The following OR10A7 variants were observed in gnomAD, a reference collection of about 807,000 sequenced individuals.
OR10A7 encodes olfactory receptor family 10 subfamily A member 7, also known as olfactory receptor 10A7.
For synonymous variants in OR10A7, 151 were observed against 137.2 expected (o/e 1.10, Z -0.70); for missense variants, 434 against 383.6 (o/e 1.13, Z -1.10).
In OR10A7 at chr12:55,221,157, A is replaced by G. The variant is rs1336693356; in HGVS notation, c.133A>G (p.Ile45Val). 1 of 1,613,586 alleles carries G rather than the reference A, an allele frequency of 6.2e-7. No individual in the cohort carries two copies. Among genetic ancestry groups the G allele is most frequent in the Non-Finnish European group, 8.5e-7 (1 of 1,179,694 alleles). Residue 45 changes from isoleucine (I) to valine (V), a missense_variant, in exon 1 of 1, where the codon ATT becomes GTT. Coordinates refer to ENST00000326258, the MANE Select transcript of OR10A7 (RefSeq NM_001005280.1). ...YTVTLLGNFL[I>V]VTVTSVDLAL... ...AGTCACTTTGTTGGGCAACTTTCTT[A>G]TTGTCACAGTTACCAGTGTGGATCT...
Position 55,221,103 on chromosome 12 carries a change from C to T in OR10A7, c.79C>T (p.Leu27Phe), listed in dbSNP as rs201024769. The change falls in exon 1 of 1, where the codon CTC becomes TTC. Residue 27 changes from leucine (L) to phenylalanine (F), a missense_variant. Leu to Phe is a conservative substitution (Grantham distance 22). Transcript: ENST00000326258. ...FTNNPEMQVS[L>F]FIFFLAIYTV... ...AAACAACCCCGAGATGCAAGTTTCC[C>T]TCTTTATTTTTTTCCTGGCCATTTA... 3.2e-4 allele frequency: 518 copies of T among 1,613,786 alleles called. 8 individuals carry two copies. In the South Asian group the frequency reaches 5.4e-3, roughly 17 times the overall value.
Position 55,221,716 on chromosome 12 carries a change from C to T in OR10A7, c.692C>T (p.Ala231Val), listed in dbSNP as rs201851061. 1.9e-5 allele frequency: 30 copies of T among 1,613,694 alleles called. No homozygotes were observed. Among genetic ancestry groups the T allele is most frequent in the Non-Finnish European group, 2.5e-5 (29 of 1,179,772 alleles). ...IIITILRMSS[A>V]TGRQKAFSTC... ...ATAACAATTCTGAGGATGTCCTCTG[C>T]CACTGGCCGCCAGAAGGCATTTTCT... Residue 231 changes from alanine (A) to valine (V), a missense_variant, in exon 1 of 1, where the codon GCC becomes GTC. Physicochemically the swap from Ala to Val is moderately conservative, Grantham distance 64 (BLOSUM62 0). Transcript: ENST00000326258.
Position 55,221,384 on chromosome 12 carries a change from T to G in OR10A7, c.360T>G (p.Tyr120Ter). The change falls in exon 1 of 1, where the codon TAT (tyrosine) becomes TAG (stop). Residue 120 changes from tyrosine to a stop codon, truncating the protein, a stop_gained. Coordinates refer to ENST00000326258, the MANE Select transcript of OR10A7 (RefSeq NM_001005280.1). LOFTEE classifies it low-confidence loss of function (END_TRUNC). ...SECFLLSMMA[Y>*]DRFVAICNPL... ...GTTTCCTTCTCTCCATGATGGCTTA[T>G]GATCGCTTTGTGGCCATCTGTAACC... The G allele has an allele frequency of 1.2e-6, 2 of 1,613,882 alleles. No homozygotes were observed. Among genetic ancestry groups the G allele is most frequent in the Non-Finnish European group, 8.5e-7 (1 of 1,179,882 alleles).
Position 55,221,427 on chromosome 12 carries a change from A to C in OR10A7, c.403A>C (p.Ile135Leu). ...AICNPLHYSVIMNRSLCLWMA... is the reference protein window; with the variant it reads ...AICNPLHYSVLMNRSLCLWMA... The stretch of plus-strand genomic sequence containing the variant: ...CTGTAACCCTCTCCATTATTCAGTC[A>C]TAATGAACAGGTCCCTATGCTTGTG... Residue 135 changes from isoleucine to leucine, a missense_variant, in exon 1 of 1, where the codon ATA becomes CTA. Transcript: ENST00000326258. The C allele has an allele frequency of 1.9e-6, 3 of 1,613,886 alleles. No homozygotes were observed. Among genetic ancestry groups the C allele is most frequent in the Non-Finnish European group, 2.5e-6 (3 of 1,179,902 alleles).
chr12:55,221,726 C>T lies in OR10A7; in HGVS notation c.702C>T (p.Arg234=), dbSNP rs774838555. 4 of 1,613,564 alleles carry T rather than the reference C, an allele frequency of 2.5e-6. No individual in the cohort carries two copies. The East Asian group carries it at 8.9e-5, about 36-fold the overall frequency. Residue 234 remains arginine, a synonymous_variant, in exon 1 of 1, where the codon CGC becomes CGT. Coordinates refer to ENST00000326258, the MANE Select transcript of OR10A7 (RefSeq NM_001005280.1). The part of the protein sequence containing the change: ...TILRMSSATG[R]QKAFSTCSSH... ...TGAGGATGTCCTCTGCCACTGGCCG[C>T]CAGAAGGCATTTTCTACTTGTTCCT...
Position 55,221,689 on chromosome 12 carries a change from T to A in OR10A7, c.665T>A (p.Ile222Asn). Residue 222 changes from isoleucine (I) to asparagine (N), a missense_variant, in exon 1 of 1, where the codon ATC (isoleucine) becomes AAC (asparagine). By Grantham distance (149) the Ile-to-Asn change is moderately radical. Transcript: ENST00000326258. ...CLILVSYTRI[I>N]ITILRMSSAT... The stretch of plus-strand genomic sequence containing the variant: ...ATTTTGGTTTCCTACACCCGCATTA[T>A]CATAACAATTCTGAGGATGTCCTCT... The A allele has an allele frequency of 6.2e-7, 1 of 1,613,834 alleles. No homozygotes were observed. The highest frequency in any genetic ancestry group is 8.5e-7 in the Non-Finnish European group (1 of 1,179,886).
chr12:55,221,276 T>C lies in OR10A7; in HGVS notation c.252T>C (p.Asp84=). The change falls in exon 1 of 1, where the codon GAT becomes GAC. Residue 84 remains aspartate, a synonymous_variant. Transcript: ENST00000326258. ...TTATGGTGCCAAAAATGCTTGTAGATCTAGTGTCCCCAAGGAAAATTATCT... is the reference window on the plus strand; with the variant it reads ...TTATGGTGCCAAAAATGCTTGTAGACCTAGTGTCCCCAAGGAAAATTATCT... ...TLVMVPKMLV[D]LVSPRKIISF... The C allele has an allele frequency of 6.2e-7, 1 of 1,613,890 alleles. No individual in the cohort carries two copies. Among genetic ancestry groups the C allele is most frequent in the Non-Finnish European group, 8.5e-7 (1 of 1,179,888 alleles).
chr12:55,221,109 A>AT lies in OR10A7; in HGVS notation c.92dup (p.Leu32ProfsTer39), dbSNP rs756006463. ...CCCCGAGATGCAAGTTTCCCTCTTT[A>AT]TTTTTTTCCTGGCCATTTATACAGT... On this transcript the variant is annotated frameshift_variant, in exon 1 of 1. Transcript: ENST00000326258. LOFTEE classifies it low-confidence loss of function (END_TRUNC). 5.6e-6 allele frequency: 9 copies of AT among 1,613,318 alleles called. No individual in the cohort carries two copies. Among genetic ancestry groups the AT allele is most frequent in the Non-Finnish European group, 6.8e-6 (8 of 1,179,698 alleles).
Position 55,221,582 on chromosome 12 carries a change from A to G in OR10A7, c.558A>G (p.Lys186=). 6.2e-7 allele frequency: 1 copy of G among 1,613,760 alleles called. No individual in the cohort carries two copies. The highest frequency in any genetic ancestry group is 8.5e-7 in the Non-Finnish European group (1 of 1,179,866). ...TCTGTGATGGTCCCCCAGTGTTAAA[A>G]CTAGTCACAGTGGATACAACCATGT... ...HFFCDGPPVL[K]LVTVDTTMYE... The change falls in exon 1 of 1, where the codon AAA becomes AAG. Residue 186 remains lysine, a synonymous_variant. Transcript: ENST00000326258.
chr12:55,221,855 C>T lies in OR10A7; in HGVS notation c.831C>T (p.Ser277=), dbSNP rs1391340528. 1.2e-6 allele frequency: 2 copies of T among 1,613,570 alleles called. No homozygotes were observed. The highest frequency in any genetic ancestry group is 1.1e-5 in the South Asian group (1 of 91,082). Residue 277 remains serine, a synonymous_variant, in exon 1 of 1, where the codon TCC becomes TCT. Coordinates refer to ENST00000326258, the MANE Select transcript of OR10A7 (RefSeq NM_001005280.1). ...SPESKKLVSL[S]YTVITPMLNP... The stretch of plus-strand genomic sequence containing the variant: ...AGAGCAAGAAGCTAGTGTCATTGTC[C>T]TACACTGTCATCACACCTATGCTAA...
Position 55,221,042 on chromosome 12 carries a change from C to A in OR10A7, c.18C>A (p.His6Gln). 6.2e-7 allele frequency: 1 copy of A among 1,608,328 alleles called. No individual in the cohort carries two copies. Among genetic ancestry groups the A allele is most frequent in the Admixed American group, 1.7e-5 (1 of 59,900 alleles). Residue 6 changes from histidine (H) to glutamine (Q), a missense_variant, in exon 1 of 1, where the codon CAC becomes CAA. Physicochemically the swap from His to Gln is conservative, Grantham distance 24. Coordinates refer to ENST00000326258, the MANE Select transcript of OR10A7 (RefSeq NM_001005280.1). MICEN[H>Q]TRVTEFILLG... ...TCTAAGATATGATCTGTGAAAATCA[C>A]ACCAGAGTCACTGAATTTATTCTTC...
rs541903817 is a variant in OR10A7, at chr12:55,221,221, T to C, written c.197T>C (p.Leu66Pro). 8.2e-5 allele frequency: 133 copies of C among 1,613,980 alleles called. No individual in the cohort carries two copies. In the South Asian group the frequency reaches 1.4e-3, roughly 17 times the overall value. ...CCCATGTACTTCTTTCTTCAAAATC[T>C]GTCACTTCTTGAAGTATGTTTCACC... ...QTPMYFFLQNLSLLEVCFTLV... is the reference protein window; with the variant it reads ...QTPMYFFLQNPSLLEVCFTLV... The change falls in exon 1 of 1, where the codon CTG becomes CCG. Residue 66 changes from leucine to proline, a missense_variant. Leu to Pro is a moderately conservative substitution (Grantham distance 98). Transcript: ENST00000326258.
At position 55,221,293 on chromosome 12, in the gene OR10A7, A is replaced by G; in HGVS notation, c.269A>G (p.Lys90Arg). 1 of 1,613,684 alleles carries G rather than the reference A, an allele frequency of 6.2e-7. No homozygotes were observed. The highest frequency in any genetic ancestry group is 8.5e-7 in the Non-Finnish European group (1 of 1,179,840). Residue 90 changes from lysine (K) to arginine (R), a missense_variant, in exon 1 of 1, where the codon AAA (lysine) becomes AGA (arginine). Lys to Arg is a conservative substitution (Grantham distance 26). Coordinates refer to ENST00000326258, the MANE Select transcript of OR10A7 (RefSeq NM_001005280.1). ...CTTGTAGATCTAGTGTCCCCAAGGA[A>G]AATTATCTCTTTTGTGGGCTGTGGT... The part of the protein sequence containing the change: ...KMLVDLVSPR[K>R]IISFVGCGTQ...
In OR10A7 at chr12:55,221,782, G is replaced by A. The variant is rs1468419370; in HGVS notation, c.758G>A (p.Gly253Glu). 2 of 1,613,596 alleles carry A rather than the reference G, an allele frequency of 1.2e-6. No homozygotes were observed. Among genetic ancestry groups the A allele is most frequent in the East Asian group, 2.2e-5 (1 of 44,864 alleles). Reference sequence around the variant, plus strand: ...CTCATTGTGGTGTCCCTCTTCTACGGAACAGCCAGTCTGACCTACCTGCGG... The same window carrying A: ...CTCATTGTGGTGTCCCTCTTCTACGAAACAGCCAGTCTGACCTACCTGCGG... ...SHLIVVSLFY[G>E]TASLTYLRPK... Residue 253 changes from glycine to glutamate, a missense_variant, in exon 1 of 1, where the codon GGA (glycine) becomes GAA (glutamate). Gly to Glu is a moderately conservative substitution (Grantham distance 98, BLOSUM62 -2). Transcript: ENST00000326258.
Position 55,221,696 on chromosome 12 carries a change from A to T in OR10A7, c.672A>T (p.Thr224=), listed in dbSNP as rs748311127. The stretch of plus-strand genomic sequence containing the variant: ...TTTCCTACACCCGCATTATCATAAC[A>T]ATTCTGAGGATGTCCTCTGCCACTG... ...ILVSYTRIII[T]ILRMSSATGR... is the part of the protein sequence containing the mutation. Residue 224 remains threonine, a synonymous_variant, in exon 1 of 1, where the codon ACA becomes ACT. Transcript: ENST00000326258. The T allele has an allele frequency of 6.2e-7, 1 of 1,613,780 alleles. No individual in the cohort carries two copies.
At position 55,221,411 on chromosome 12, in the gene OR10A7, TCTC is replaced by T; in HGVS notation, c.389_391del (p.Leu130del). 3 of 1,613,810 alleles carry T rather than the reference TCTC, an allele frequency of 1.9e-6. No individual in the cohort carries two copies. The highest frequency in any genetic ancestry group is 2.5e-6 in the Non-Finnish European group (3 of 1,179,870). On this transcript the variant is annotated inframe_deletion, in exon 1 of 1. Transcript: ENST00000326258. ...ATCGCTTTGTGGCCATCTGTAACCC[TCTC>T]CATTATTCAGTCATAATGAACAGGT...
rs760783322 is a variant in OR10A7, at chr12:55,221,277, C to G, written c.253C>G (p.Leu85Val). Residue 85 changes from leucine (L) to valine (V), a missense_variant, in exon 1 of 1, where the codon CTA (leucine) becomes GTA (valine). Transcript: ENST00000326258. The part of the protein sequence containing the change: ...LVMVPKMLVD[L>V]VSPRKIISFV... ...TATGGTGCCAAAAATGCTTGTAGAT[C>G]TAGTGTCCCCAAGGAAAATTATCTC... 3.1e-6 allele frequency: 5 copies of G among 1,613,772 alleles called. No individual in the cohort carries two copies. Among genetic ancestry groups the G allele is most frequent in the Non-Finnish European group, 4.2e-6 (5 of 1,179,804 alleles).
At position 55,221,181 on chromosome 12, in the gene OR10A7, C is replaced by T. The variant is rs1253542511; in HGVS notation, c.157C>T (p.Leu53Phe). 1.9e-6 allele frequency: 3 copies of T among 1,613,428 alleles called. No individual in the cohort carries two copies. Among genetic ancestry groups the T allele is most frequent in the African/African-American group, 2.7e-5 (2 of 74,782 alleles). ...TATTGTCACAGTTACCAGTGTGGATCTCGCACTTCAAACACCCATGTACTT... is the reference window on the plus strand; with the variant it reads ...TATTGTCACAGTTACCAGTGTGGATTTCGCACTTCAAACACCCATGTACTT... ...FLIVTVTSVD[L>F]ALQTPMYFFL... The change falls in exon 1 of 1, where the codon CTC (leucine) becomes TTC (phenylalanine). Residue 53 changes from leucine (L) to phenylalanine (F), a missense_variant. Leu to Phe is a conservative substitution (Grantham distance 22, BLOSUM62 0). Transcript: ENST00000326258.
Position 55,221,957 on chromosome 12 carries a change from G to A in OR10A7, c.933G>A (p.Gln311=). Residue 311 remains glutamine, a synonymous_variant, in exon 1 of 1, where the codon CAG becomes CAA. Coordinates refer to ENST00000326258, the MANE Select transcript of OR10A7 (RefSeq NM_001005280.1). ...GGACAATCACTCAAAAAGTCTTACA[G>A]AAGTTAGATGTGTTTTGACTTCTAT... ...VKRTITQKVL[Q]KLDVF is the part of the protein sequence containing the mutation. 6.2e-7 allele frequency: 1 copy of A among 1,603,270 alleles called. No individual in the cohort carries two copies.
Sources: gnomAD v4.1 joint callset for allele counts on GRCh38, gnomAD v4.1.1 for gene constraint, MANE v1.5 for transcripts, NCBI Gene and HGNC (gene_info 2026-07-23, HGNC 2026-07-21) for gene names.